AFF1: variants seen among roughly 807,000 people sequenced by gnomAD.
AFF1 encodes the protein AF4/FMR2 family member 1.
Under a neutral mutation model 121.7 loss-of-function variants are expected in AFF1, and 48 were observed. That is an observed-to-expected ratio of 0.39 (90% CI 0.31 to 0.50). The LOEUF (loss-of-function observed/expected upper bound fraction) is 0.50, where lower values mean the gene tolerates loss of function less well. Ranked by LOEUF, AFF1 falls within the 20% of genes least tolerant of loss-of-function variation. The pLI is 0.76. For missense variants in AFF1, 1,523 were observed against 1,511.7 expected (o/e 1.01, Z -0.12); for synonymous variants, 613 against 563.0 (o/e 1.09, Z -1.26).
chr4:87,020,259 T>C (rs1444693139), intron 2 of AFF1, among the ~76,000 whole-genome samples: 1 of 152,254 alleles, frequency 6.6e-6, no homozygotes, highest in Non-Finnish European at 1.5e-5. Flanking sequence ...TATTGAGTTA[T>C]AGACCTTTGT....
intron 1 of AFF1, among the ~76,000 whole-genome samples, chr4:86,943,675 A>C (rs950501108): frequency 1.3e-5 from 2 of 152,066 alleles, no homozygotes; most frequent in African/African-American, 4.8e-5. Flanking sequence ...AAATACAAAA[A>C]TTAGCCGGGT....
In AFF1 at chr4:87,108,226, A is replaced by T. The variant is rs201892953; in HGVS notation, c.1444A>T (p.Ser482Cys). The change falls in exon 11 of 21, where the codon AGT becomes TGT. Residue 482 changes from serine (S) to cysteine (C), a missense_variant. Ser to Cys is a moderately radical substitution (Grantham distance 112). Transcript: ENST00000395146. ...CAGCAGTGCAGAGTCAGAAAGCACC[A>T]GTGACTCAGACAGTTCCTCAGACTC... ...HSSSAESEST[S>C]DSDSSSDSES... 6.2e-7 allele frequency: 1 copy of T among 1,614,184 alleles called. No individual in the cohort carries two copies. Among genetic ancestry groups the T allele is most frequent in the East Asian group, 2.2e-5 (1 of 44,880 alleles).
intron 2 of AFF1, among the ~76,000 whole-genome samples, chr4:86,988,813 C>G (rs1724488731): frequency 1.3e-5 from 2 of 152,206 alleles, no homozygotes; most frequent in African/African-American, 4.8e-5. Context: ...GTAACCAAAA[C>G]AGCATGATTC....
chr4:87,131,751 G>A (rs779825610), intron 17 of AFF1, 42 bp from the exon 18 acceptor site: 5 of 1,451,904 alleles, frequency 3.4e-6, no homozygotes, highest in East Asian at 4.6e-5. Flanking sequence ...ATTTGTGTCT[G>A]CCTTTGTTTA....
intron 2 of AFF1, among the ~76,000 whole-genome samples, chr4:86,950,541 A>T (rs1225212210): frequency 6.6e-6 from 1 of 152,228 alleles, no homozygotes; most frequent in African/African-American, 2.4e-5. Flanking sequence ...AAAAATAAAA[A>T]CATTATAAGA....
rs116477115 is a variant in AFF1 at position 87,089,325 on chromosome 4, C to A, written c.1105-659C>A. 4.9e-3 allele frequency among the ~76,000 whole-genome samples: 746 copies of A among 152,256 alleles called. 7 individuals carry two copies. The highest frequency in any genetic ancestry group is 0.017 in the African/African-American group (710 of 41,544). On this transcript the variant is annotated intron_variant, in intron 5 of 20. Coordinates refer to ENST00000395146, the MANE Select transcript of AFF1 (RefSeq NM_001166693.3). ...TGAATGTGTTTAGAAGAATTCATGT[C>A]AAGATACATATATCAATTGTAAGTT...
chr4:87,020,132 T>A (rs1438830776), intron 2 of AFF1, among the ~76,000 whole-genome samples: 1 of 152,176 alleles, frequency 6.6e-6, no homozygotes, highest in African/African-American at 2.4e-5. Flanking sequence ...GAACTGAAAG[T>A]TTTTGTCCTT....
At position 87,049,045 on chromosome 4, in the gene AFF1, T is replaced by A. The variant is rs372451957; in HGVS notation, c.1059+1451T>A. Among the ~76,000 whole-genome samples, 60 of 140,006 alleles carry A rather than the reference T, an allele frequency of 4.3e-4. 1 individual carries two copies. The East Asian group carries it at 0.013, about 29-fold the overall frequency. The allele number at this position is 140,006 out of a possible 152,430, so 91.8% of individuals were successfully genotyped here. A position where few individuals can be genotyped will look rare whatever the true frequency, so the allele number is the denominator to read the frequency against. ...AACTCAATGAGAGTTTCTTTCTTTC[T>A]TTATCAAATAGGGTTAGCTGTATGT... On this transcript the variant is annotated intron_variant, in intron 4 of 20. Coordinates refer to ENST00000395146, the MANE Select transcript of AFF1 (RefSeq NM_001166693.3).
intron 2 of AFF1, among the ~76,000 whole-genome samples, chr4:86,996,304 A>AT (rs1725187776): frequency 6.6e-6 from 1 of 152,118 alleles, no homozygotes; most frequent in Non-Finnish European, 1.5e-5. Context: ...TGGGGAAAAG[A>AT]TTGAGAAATC....
chr4:87,110,776 A>G (rs1018053127), intron 11 of AFF1, among the ~76,000 whole-genome samples: 27 of 152,078 alleles, frequency 1.8e-4, no homozygotes, highest in Admixed American at 6.5e-5. Context: ...ACTTTTGCCA[A>G]TTTATTAAAA....
At chr4:86,949,777 C>G in intron 2 of AFF1, 1 of 1,613,410 alleles carries the variant, frequency 6.2e-7, no homozygotes, top group Non-Finnish European at 8.5e-7. Flanking sequence ...TGAAGCCCAC[C>G]AGGGAGAACA....
At chr4:87,049,876 G>A (rs557640764) in intron 4 of AFF1, 3 of 378,502 alleles carry the variant, frequency 7.9e-6, no homozygotes, top group African/African-American at 6.3e-5. Flanking sequence ...AATCCGGGAA[G>A]TGGGGATCTT....
intron 1 of AFF1, among the ~76,000 whole-genome samples, chr4:86,940,707 T>TC (rs1720392684): frequency 6.6e-6 from 1 of 152,102 alleles, no homozygotes; most frequent in Admixed American, 6.6e-5. Flanking sequence ...GCCTTCCTAA[T>TC]CTTTTATAGT....
At position 87,047,543 on chromosome 4, in the gene AFF1, G is replaced by T. The variant is rs770422068; in HGVS notation, c.1008G>T (p.Val336=). 2.5e-6 allele frequency: 4 copies of T among 1,614,224 alleles called. No homozygotes were observed. Among genetic ancestry groups the T allele is most frequent in the Non-Finnish European group, 1.7e-6 (2 of 1,180,052 alleles). Reference sequence around the variant, plus strand: ...CCTTTGAAAAAACAGACTTGAAAGTGCCTGCCAAAGCCAAGCTCACCAAAC... The same window carrying T: ...CCTTTGAAAAAACAGACTTGAAAGTTCCTGCCAAAGCCAAGCTCACCAAAC... ...QQTFEKTDLK[V]PAKAKLTKLK... Residue 336 remains valine (V), a synonymous_variant, in exon 4 of 21, where the codon GTG becomes GTT. Transcript: ENST00000395146.
In AFF1 at chr4:87,111,239, G is replaced by A. The variant is rs1302253283; in HGVS notation, c.1533+2924G>A. ...TCACCGTGTTAGCCAGGATGGTCTC[G>A]ATCTCCTGACCTCGTGATCCGCCCG... On this transcript the variant is annotated intron_variant, in intron 11 of 20. Transcript: ENST00000395146. 1.7e-4 allele frequency among the ~76,000 whole-genome samples: 5 copies of A among 30,174 alleles called. 2 individuals are homozygous for A. Among genetic ancestry groups the A allele is most frequent in the African/African-American group, 4.6e-4 (5 of 10,794 alleles). 19.8% of individuals were successfully genotyped at this position (30,174 alleles called of 152,430 possible).
chr4:87,117,481 TC>T (rs1459645500), intron 12 of AFF1, among the ~76,000 whole-genome samples: 2 of 152,132 alleles, frequency 1.3e-5, no homozygotes, highest in Non-Finnish European at 2.9e-5. Context: ...ATGACGGGAA[TC>T]CCCAACCCCC....
In AFF1 at chr4:87,114,580, G is replaced by A. The variant is rs372299529; in HGVS notation, c.1747G>A (p.Glu583Lys). Residue 583 changes from glutamate (E) to lysine (K), a missense_variant, in exon 12 of 21, where the codon GAA becomes AAA. Transcript: ENST00000395146. ...SSSKAPRAPP[E>K]APHPGKRSCQ... ...CAGCAAAGCCCCCCGGGCCCCACCC[G>A]AAGCCCCCCACCCCGGAAAGAGGAG... The A allele has an allele frequency of 4.5e-4, 178 of 392,608 alleles. No individual in the cohort carries two copies. Among genetic ancestry groups the A allele is most frequent in the South Asian group, 7.3e-4 (27 of 36,966 alleles). The allele number at this position is 392,608 out of a possible 1,614,324, so 24.3% of individuals were successfully genotyped here. A position where few individuals can be genotyped will look rare whatever the true frequency, so the allele number is the denominator to read the frequency against.
chr4:86,937,151 C>T (rs1285096768), intron 1 of AFF1, among the ~76,000 whole-genome samples: 1 of 152,138 alleles, frequency 6.6e-6, no homozygotes, highest in South Asian at 2.1e-4. Flanking sequence ...AGAAAATGAA[C>T]TGTTAAATAT....
intron 2 of AFF1, among the ~76,000 whole-genome samples, chr4:87,036,350 T>A (rs1729561527): frequency 6.6e-6 from 1 of 152,202 alleles, no homozygotes; most frequent in Non-Finnish European, 1.5e-5. Context: ...CATAAAGACA[T>A]GTTTTATTAA....
Sources: gnomAD v4.1 joint callset for allele counts (sites outside exome capture counted in the v4.1 genomes callset) on GRCh38, gnomAD v4.1.1 for gene constraint, MANE v1.5 for transcripts, NCBI Gene and HGNC (gene_info 2026-07-23, HGNC 2026-07-21) for gene names.